PPP3CA: variants seen among roughly 807,000 people sequenced by gnomAD.
The protein encoded by PPP3CA is CAM-PRP catalytic subunit.
PPP3CA carries 14 observed loss-of-function variants against 66.5 expected under a neutral mutation model. The ratio of observed to expected loss-of-function variants is 0.21; its 90% CI spans 0.14 to 0.33. The LOEUF (loss-of-function observed/expected upper bound fraction) is 0.33. PPP3CA is among the 10% of genes least tolerant of loss of function. PPP3CA has a pLI of 1.00. For synonymous variants in PPP3CA, 232 were observed against 226.2 expected (o/e 1.03, Z -0.23); for missense variants, 317 against 639.5 (o/e 0.50, Z 5.44).
chr4:101,042,704 A>T (rs921814105), intron 10 of PPP3CA, among the ~76,000 whole-genome samples: 1 of 152,066 alleles, frequency 6.6e-6, no homozygotes, highest in African/African-American at 2.4e-5. Flanking sequence ...TGTAATTAAG[A>T]TTATACATCA....
intron 1 of PPP3CA, among the ~76,000 whole-genome samples, chr4:101,315,182 C>T (rs1212461726): frequency 6.6e-6 from 1 of 152,156 alleles, no homozygotes; most frequent in African/African-American, 2.4e-5. Context: ...ACTCCTTCCA[C>T]CATGTGAAGT....
At chr4:101,280,786 C>T (rs949729205) in intron 1 of PPP3CA, among the ~76,000 whole-genome samples, 1 of 147,412 alleles carries the variant, frequency 6.8e-6, no homozygotes, top group Non-Finnish European at 1.5e-5. Context: ...CCTCATTGCA[C>T]TCCAGCCTGG....
intron 1 of PPP3CA, among the ~76,000 whole-genome samples, chr4:101,214,896 C>G (rs1240619833): frequency 6.6e-6 from 1 of 152,076 alleles, no homozygotes; most frequent in Non-Finnish European, 1.5e-5. Context: ...AATTTTCCTC[C>G]TAGACATTTA....
chr4:101,050,366 G>C (rs1727955966), intron 10 of PPP3CA, among the ~76,000 whole-genome samples: 1 of 151,968 alleles, frequency 6.6e-6, no homozygotes, highest in Non-Finnish European at 1.5e-5. Flanking sequence ...TAACTAAATT[G>C]GCATTTGAAA....
At chr4:101,145,173 TTGTC>T (rs1722931084) in intron 2 of PPP3CA, among the ~76,000 whole-genome samples, 2 of 152,120 alleles carry the variant, frequency 1.3e-5, no homozygotes, top group South Asian at 4.1e-4. Flanking sequence ...AAAGGAAACT[TTGTC>T]TGCTGTTGGT....
chr4:101,300,344 T>C (rs928784354), intron 1 of PPP3CA, among the ~76,000 whole-genome samples: 3 of 152,192 alleles, frequency 2.0e-5, no homozygotes, highest in Non-Finnish European at 2.9e-5. Flanking sequence ...GGATCAAAAA[T>C]TGGCAGTCAC....
chr4:101,026,176 G>A (rs929958806), intron 13 of PPP3CA, 115 bp from the exon 14 acceptor site: 5 of 832,936 alleles, frequency 6.0e-6, no homozygotes, highest in Non-Finnish European at 7.3e-6. Context: ...ATCCTTCAGT[G>A]AAGAACAAAG....
At chr4:101,273,683 G>A (rs1218326526) in intron 1 of PPP3CA, among the ~76,000 whole-genome samples, 1 of 152,076 alleles carries the variant, frequency 6.6e-6, no homozygotes, top group African/African-American at 2.4e-5. Flanking sequence ...TCCCAAGCAT[G>A]AGTAGTTTTA....
chr4:101,296,410 T>C (rs6852347), intron 1 of PPP3CA, among the ~76,000 whole-genome samples: 40,595 of 152,056 alleles, frequency 0.27, 7,226 homozygotes, highest in Non-Finnish European at 0.39. Flanking sequence ...TCTCACAGTA[T>C]CTTTTGTTCA....
At chr4:101,267,211 C>T (rs1382322135) in intron 1 of PPP3CA, among the ~76,000 whole-genome samples, 1 of 152,178 alleles carries the variant, frequency 6.6e-6, no homozygotes, top group Non-Finnish European at 1.5e-5. Context: ...AATCCATGTA[C>T]TGTGCAGAAT....
At chr4:101,104,364 C>T (rs1730567243) in intron 3 of PPP3CA, among the ~76,000 whole-genome samples, 1 of 152,050 alleles carries the variant, frequency 6.6e-6, no homozygotes, top group African/African-American at 2.4e-5. Context: ...ATGCTTTGAT[C>T]TTCAGATTAT....
chr4:101,212,970 A>G (rs1725344931), intron 1 of PPP3CA, among the ~76,000 whole-genome samples: 1 of 152,118 alleles, frequency 6.6e-6, no homozygotes, highest in Non-Finnish European at 1.5e-5. Flanking sequence ...TCAGAGGATG[A>G]TCAATCATGC....
At chr4:101,204,159 C>T (rs1374126314) in intron 1 of PPP3CA, among the ~76,000 whole-genome samples, 3 of 151,954 alleles carry the variant, frequency 2.0e-5, no homozygotes, top group African/African-American at 7.3e-5. Context: ...GTGCATGCCA[C>T]CACACCTGAC....
intron 2 of PPP3CA, among the ~76,000 whole-genome samples, chr4:101,117,509 T>C (rs1425491958): frequency 2.0e-5 from 3 of 151,776 alleles, no homozygotes; most frequent in South Asian, 4.1e-4. Context: ...GAATAAGGAA[T>C]GCATTTTTTT....
rs572306071 is a variant in PPP3CA, at chr4:101,053,973, A to G, written c.1156+7114T>C. Among the ~76,000 whole-genome samples the G allele has an allele frequency of 3.7e-4, 56 of 152,166 alleles. 1 individual carries two copies. The South Asian group carries it at 7.3e-3, about 20-fold the overall frequency. On this transcript the variant is annotated intron_variant, in intron 10 of 13. Transcript: ENST00000394854. ...TTTTCCAAGCATTTATCTAAGCTTG[A>G]AAAAGTTTTTGCCTTTTCTCAAATA... is the stretch of plus-strand genomic sequence containing the variant.
chr4:101,283,986 T>C (rs1216579015), intron 1 of PPP3CA, among the ~76,000 whole-genome samples: 1 of 152,222 alleles, frequency 6.6e-6, no homozygotes, highest in African/African-American at 2.4e-5. Context: ...TCGAGTCTTG[T>C]AGTTGAACTA....
intron 2 of PPP3CA, among the ~76,000 whole-genome samples, chr4:101,144,723 C>T (rs1722916212): frequency 6.6e-6 from 1 of 152,118 alleles, no homozygotes. Context: ...GATCAACAAA[C>T]ATTTCTGAGC....
intron 2 of PPP3CA, among the ~76,000 whole-genome samples, chr4:101,136,826 C>CT (rs1243340729): frequency 1.3e-5 from 2 of 151,952 alleles, no homozygotes; most frequent in African/African-American, 4.8e-5. Flanking sequence ...ACCTCACTGC[C>CT]TTTTGTCTGT....
chr4:101,161,300 G>A (rs1033503953), intron 2 of PPP3CA, among the ~76,000 whole-genome samples: 1 of 152,094 alleles, frequency 6.6e-6, no homozygotes, highest in Non-Finnish European at 1.5e-5. Flanking sequence ...TTTCCCTGTT[G>A]TTAAGCAAAG....
Sources: gnomAD v4.1 joint callset for allele counts (sites outside exome capture counted in the v4.1 genomes callset) on GRCh38, gnomAD v4.1.1 for gene constraint, MANE v1.5 for transcripts, NCBI Gene and HGNC (gene_info 2026-07-23, HGNC 2026-07-21) for gene names.